The following SNTG1 variants were observed in gnomAD, a reference collection of about 807,000 sequenced individuals.
SNTG1 encodes gamma-1-syntrophin.
In SNTG1, 39 loss-of-function variants were observed where a neutral mutation model predicts 74.7. The observed-to-expected ratio is 0.52, with a 90% CI of 0.40 to 0.68. The LOEUF is 0.68. SNTG1 is among the 30% of genes least tolerant of loss of function. The probability of loss-of-function intolerance (pLI) is 0.00; values close to 1 mark genes in which losing one functional copy is unlikely to be tolerated. For synonymous variants in SNTG1, 254 were observed against 217.1 expected, an observed-to-expected ratio of 1.17 and a Z score of -1.49; for missense variants, 685 against 609.5, an observed-to-expected ratio of 1.12 and a Z score of -1.30.
chr8:49,924,980 C>A (rs970570903), intron 1 of SNTG1, among the ~76,000 whole-genome samples: 1 of 151,670 alleles, frequency 6.6e-6, no homozygotes, highest in African/African-American at 2.4e-5. Context: ...TGAGACCCCC[C>A]CATCACTACA....
At chr8:50,016,886 A>G (rs1197893030) in intron 1 of SNTG1, among the ~76,000 whole-genome samples, 1 of 152,124 alleles carries the variant, frequency 6.6e-6, no homozygotes, top group African/African-American at 2.4e-5. Context: ...ACCAACTAAT[A>G]AGACTAACAA....
At chr8:50,116,900 G>A (rs952940526) in intron 1 of SNTG1, among the ~76,000 whole-genome samples, 3 of 151,988 alleles carry the variant, frequency 2.0e-5, no homozygotes, top group African/African-American at 4.8e-5. Context: ...GAACTGCAAA[G>A]GAGTCAAAAA....
chr8:50,782,413 C>A (rs1320352081), intron 18 of SNTG1, among the ~76,000 whole-genome samples: 7 of 152,116 alleles, frequency 4.6e-5, no homozygotes, highest in Admixed American at 4.6e-4. Context: ...TCTTTTTATT[C>A]TTTTTTCTCT....
rs142099509 is a variant in SNTG1 at position 49,948,225 on chromosome 8, A to G, written c.-103+35994A>G. ...AAAACCTCTGTAAATTAAACTCCAC[A>G]GAGACTGATATTTTAATTATTTTAA... is the stretch of plus-strand genomic sequence containing the variant. On this transcript the variant is annotated intron_variant, in intron 1 of 18. Transcript: ENST00000642720. 3.6e-3 allele frequency among the ~76,000 whole-genome samples: 553 copies of G among 152,344 alleles called. 5 individuals are homozygous for G. The highest frequency in any genetic ancestry group is 0.013 in the African/African-American group (526 of 41,582).
chr8:50,353,407 TA>T (rs926651210), intron 2 of SNTG1, among the ~76,000 whole-genome samples: 3 of 151,876 alleles, frequency 2.0e-5, no homozygotes, highest in South Asian at 2.1e-4. Flanking sequence ...AGTATAATAA[TA>T]AAAAAAAGAA....
In SNTG1 at chr8:50,704,660, G is replaced by A; in HGVS notation, c.1099G>A (p.Asp367Asn). 6.2e-7 allele frequency: 1 copy of A among 1,614,090 alleles called. No homozygotes were observed. The highest frequency in any genetic ancestry group is 8.5e-7 in the Non-Finnish European group (1 of 1,180,016). ...CFTVQSESGE[D>N]LYFSVELESD... ...CACCGTGCAGTCTGAGTCTGGGGAG[G>A]ACCTGTACTTCTCAGTGGAGCTGGA... Residue 367 changes from aspartate to asparagine, a missense_variant, in exon 16 of 19, where the codon GAC (aspartate) becomes AAC (asparagine). By Grantham distance (23) the Asp-to-Asn change is conservative. Coordinates refer to ENST00000642720, the MANE Select transcript of SNTG1 (RefSeq NM_018967.5).
At chr8:50,057,766 A>G (rs1247949788) in intron 1 of SNTG1, among the ~76,000 whole-genome samples, 1 of 152,082 alleles carries the variant, frequency 6.6e-6, no homozygotes, top group African/African-American at 2.4e-5. Context: ...GAGTTGCTCA[A>G]CAGGACTTGG....
intron 2 of SNTG1, among the ~76,000 whole-genome samples, chr8:50,355,479 T>C (rs1459982501): frequency 6.6e-6 from 1 of 152,188 alleles, no homozygotes; most frequent in Non-Finnish European, 1.5e-5. Flanking sequence ...ACTTTTAAGT[T>C]GTGAACTTCT....
At position 50,584,512 on chromosome 8, in the gene SNTG1, CT is replaced by C. The variant is rs34546157; in HGVS notation, c.811-6349del. On this transcript the variant is annotated intron_variant, in intron 12 of 18. Transcript: ENST00000642720. ...GGTTTTGATTTACATTTCTCTGATTCTTTTTTTTTTTTTTTTTTGACACGGT... is the reference window on the plus strand; with the variant it reads ...GGTTTTGATTTACATTTCTCTGATTCTTTTTTTTTTTTTTTTTGACACGGT... Among the ~76,000 whole-genome samples the C allele has an allele frequency of 3.0e-3, 383 of 126,752 alleles. 1 individual carries two copies. Among genetic ancestry groups the C allele is most frequent in the Middle Eastern group, 9.1e-3 (2 of 220 alleles). The allele number at this position is 126,752 out of a possible 152,430, so 83.2% of individuals were successfully genotyped here. A position where few individuals can be genotyped will look rare whatever the true frequency, so the allele number is the denominator to read the frequency against.
chr8:49,999,632 G>A (rs1000041828), intron 1 of SNTG1, among the ~76,000 whole-genome samples: 1 of 152,038 alleles, frequency 6.6e-6, no homozygotes, highest in Non-Finnish European at 1.5e-5. Context: ...CCATGTGCCA[G>A]AACACTCTTC....
intron 18 of SNTG1, among the ~76,000 whole-genome samples, chr8:50,757,082 G>T (rs1327281775): frequency 6.6e-6 from 1 of 151,494 alleles, no homozygotes; most frequent in Admixed American, 6.6e-5. Flanking sequence ...GTTAAGTATG[G>T]TATCAGCTCT....
chr8:50,350,797 AT>A (rs1336981677), intron 2 of SNTG1, among the ~76,000 whole-genome samples: 1 of 152,100 alleles, frequency 6.6e-6, no homozygotes, highest in African/African-American at 2.4e-5. Flanking sequence ...TAGCTCAGGG[AT>A]TGTAAACGCA....
intron 2 of SNTG1, among the ~76,000 whole-genome samples, chr8:50,303,068 T>C (rs1033013830): frequency 6.6e-6 from 1 of 152,174 alleles, no homozygotes; most frequent in African/African-American, 2.4e-5. Flanking sequence ...TAAAAAACAT[T>C]TAAATTAATT....
intron 1 of SNTG1, among the ~76,000 whole-genome samples, chr8:50,089,734 A>C (rs1477823830): frequency 6.6e-6 from 1 of 152,124 alleles, no homozygotes; most frequent in Non-Finnish European, 1.5e-5. Flanking sequence ...TTAGAATGGC[A>C]ATCATTAAAA....
chr8:50,497,771 T>C (rs1442272685), intron 8 of SNTG1, among the ~76,000 whole-genome samples: 2 of 152,036 alleles, frequency 1.3e-5, no homozygotes, highest in Non-Finnish European at 2.9e-5. Flanking sequence ...GCCTCTTCTC[T>C]TCTCCCCATT....
At chr8:50,164,546 A>G (rs1225971375) in intron 1 of SNTG1, 1 of 152,226 alleles carries the variant, frequency 6.6e-6, no homozygotes, top group East Asian at 1.9e-4. Context: ...CACATTTTAA[A>G]TTACTAGGGG....
chr8:50,763,156 T>C (rs2095603815), intron 18 of SNTG1, among the ~76,000 whole-genome samples: 1 of 151,944 alleles, frequency 6.6e-6, no homozygotes, highest in South Asian at 2.1e-4. Flanking sequence ...AATATGACTG[T>C]CTGTCCTTCC....
chr8:50,040,512 G>A (rs1818545929), intron 1 of SNTG1, among the ~76,000 whole-genome samples: 1 of 152,096 alleles, frequency 6.6e-6, no homozygotes, highest in Admixed American at 6.5e-5. Flanking sequence ...AAAACTTATT[G>A]GAGAAGAGTG....
chr8:50,437,150 A>G (rs961162024), intron 4 of SNTG1, among the ~76,000 whole-genome samples: 4 of 152,172 alleles, frequency 2.6e-5, no homozygotes, highest in Non-Finnish European at 4.4e-5. Flanking sequence ...TTTGAAATAG[A>G]TGAAATTACT....
Sources: gnomAD v4.1 joint callset for allele counts (sites outside exome capture counted in the v4.1 genomes callset) on GRCh38, gnomAD v4.1.1 for gene constraint, MANE v1.5 for transcripts, NCBI Gene and HGNC (gene_info 2026-07-23, HGNC 2026-07-21) for gene names.